DIXDC1: variants seen among roughly 807,000 people sequenced by gnomAD.
DIXDC1 encodes the protein dixin.
In DIXDC1, 64 loss-of-function variants were observed where a neutral mutation model predicts 103.1. The observed-to-expected ratio is 0.62, with a 90% confidence interval of 0.51 to 0.76. DIXDC1 has a LOEUF of 0.76. Among genes scored for constraint, DIXDC1 ranks in the 30% least tolerant of loss-of-function variants. The pLI is 0.00. For synonymous variants in DIXDC1, 266 were observed against 298.5 expected (o/e 0.89, Z 1.12); for missense variants, 759 against 834.2 (o/e 0.91, Z 1.11).
intron 1 of DIXDC1, among the ~76,000 whole-genome samples, chr11:111,943,232 C>G (rs1294401899): frequency 6.6e-6 from 1 of 152,050 alleles, no homozygotes. Context: ...CACCTCGCAC[C>G]TCTTGGGCTC....
intron 1 of DIXDC1, among the ~76,000 whole-genome samples, chr11:111,929,192 A>G (rs1965935701): frequency 2.6e-5 from 4 of 152,208 alleles, no homozygotes; most frequent in Non-Finnish European, 2.9e-5. Context: ...AACAAAAAAA[A>G]GAATTACACA....
intron 1 of DIXDC1, among the ~76,000 whole-genome samples, chr11:111,951,869 CT>C (rs35155467): frequency 9.1e-5 from 13 of 143,296 alleles, no homozygotes; most frequent in African/African-American, 7.8e-5. Flanking sequence ...TCCATTAAAA[CT>C]TTTTTTTTTT....
chr11:111,964,630 C>A lies in DIXDC1; in HGVS notation c.142C>A (p.Gln48Lys). The change falls in exon 2 of 20, where the codon CAA becomes AAA. Residue 48 changes from glutamine to lysine, a missense_variant. Gln to Lys is a moderately conservative substitution (Grantham distance 53). This residue lies in a region of DIXDC1 where 97 missense variants were observed against 85.4 expected (regional missense o/e 1.14). Transcript: ENST00000440460. ...PAVKPVQDLR[Q>K]DLRDGVILAY... ...AGTGAAGCCTGTGCAGGACCTGCGACAAGATCTCCGGGATGGGGTGATCCT... is the reference window on the plus strand; with the variant it reads ...AGTGAAGCCTGTGCAGGACCTGCGAAAAGATCTCCGGGATGGGGTGATCCT... 6.2e-7 allele frequency: 1 copy of A among 1,612,384 alleles called. No individual in the cohort carries two copies. Among genetic ancestry groups the A allele is most frequent in the Non-Finnish European group, 8.5e-7 (1 of 1,179,376 alleles).
chr11:112,002,488 A>G (rs1183242148), intron 17 of DIXDC1, among the ~76,000 whole-genome samples: 1 of 152,216 alleles, frequency 6.6e-6, no homozygotes, highest in Non-Finnish European at 1.5e-5. Flanking sequence ...TGTTTATTGC[A>G]GTACTATTTC....
chr11:111,950,436 ATATTTTTTTTTT>A (rs1966760273), intron 1 of DIXDC1, among the ~76,000 whole-genome samples: 2 of 20,886 alleles, frequency 9.6e-5, no homozygotes, highest in African/African-American at 5.6e-4. Context: ...ATATATATAT[ATATTTTTTTTTT>A]TTTTTTTTTT....
At chr11:111,981,351 C>G (rs190805787) in intron 6 of DIXDC1, among the ~76,000 whole-genome samples, 6 of 152,278 alleles carry the variant, frequency 3.9e-5, no homozygotes, top group African/African-American at 1.2e-4. Context: ...CTCAGTTGCT[C>G]TTTATTTTTT....
Position 111,985,215 on chromosome 11 carries a change from C to A in DIXDC1, c.919-17C>A. ...TGAAGGAGAGTTAAGTTTCTTTCTGCCTTTGTGGTTATTCAGGCCTTACTG... is the reference window on the plus strand; with the variant it reads ...TGAAGGAGAGTTAAGTTTCTTTCTGACTTTGTGGTTATTCAGGCCTTACTG... On this transcript the variant is annotated splice_polypyrimidine_tract_variant and intron_variant, in intron 7 of 19. Transcript: ENST00000440460. The A allele has an allele frequency of 6.2e-7, 1 of 1,604,132 alleles. No individual in the cohort carries two copies. Among genetic ancestry groups the A allele is most frequent in the Non-Finnish European group, 8.5e-7 (1 of 1,172,056 alleles).
intron 1 of DIXDC1, among the ~76,000 whole-genome samples, chr11:111,952,819 CAAAA>C (rs1293702864): frequency 1.8e-5 from 2 of 110,614 alleles, no homozygotes; most frequent in Non-Finnish European, 3.8e-5. Context: ...GACTTTGTCT[CAAAA>C]AAAAAAAAAA....
At chr11:111,944,895 A>C (rs1338811028) in intron 1 of DIXDC1, among the ~76,000 whole-genome samples, 2 of 152,234 alleles carry the variant, frequency 1.3e-5, no homozygotes, top group Non-Finnish European at 2.9e-5. Context: ...TAGCTTCCTT[A>C]GAACAAATTA....
At chr11:111,931,572 G>A (rs1168589617) in intron 2 of DIXDC1, among the ~76,000 whole-genome samples, 2 of 152,142 alleles carry the variant, frequency 1.3e-5, no homozygotes, top group Admixed American at 6.5e-5. Context: ...GAACCCGGGA[G>A]GCAGAGGTTG....
intron 1 of DIXDC1, among the ~76,000 whole-genome samples, chr11:111,952,196 A>G (rs782628565): frequency 1.3e-5 from 2 of 152,280 alleles, no homozygotes; most frequent in African/African-American, 2.4e-5. Context: ...AGTCTCGGGT[A>G]TGTCTTTATC....
At chr11:111,987,638 G>A (rs1555174024) in intron 9 of DIXDC1, among the ~76,000 whole-genome samples, 2 of 149,878 alleles carry the variant, frequency 1.3e-5, no homozygotes, top group African/African-American at 4.9e-5. Context: ...ATGTATGTTT[G>A]CACTCATACT....
At chr11:111,937,140 G>T (rs1386623561), upstream of DIXDC1, 2 of 749,908 alleles carry the variant, frequency 2.7e-6, no homozygotes, top group Admixed American at 6.3e-5. Context: ...GCGGGGGGGG[G>T]GTGTGCGCGT....
At chr11:111,954,400 A>C (rs1966870300) in intron 1 of DIXDC1, among the ~76,000 whole-genome samples, 1 of 152,226 alleles carries the variant, frequency 6.6e-6, no homozygotes, top group Non-Finnish European at 1.5e-5. Flanking sequence ...CTGTAAATAC[A>C]GATGAAGCTT....
intron 3 of DIXDC1, among the ~76,000 whole-genome samples, chr11:111,968,849 A>G (rs1243232038): frequency 6.6e-6 from 1 of 152,034 alleles, no homozygotes; most frequent in Non-Finnish European, 1.5e-5. Context: ...ATCTTGGTTC[A>G]CTGCAACCTT....
intron 14 of DIXDC1, among the ~76,000 whole-genome samples, chr11:111,994,586 T>TTATGTATGTA (rs1352325057): frequency 6.6e-6 from 1 of 151,182 alleles, no homozygotes; most frequent in Admixed American, 6.6e-5. Context: ...TATGTGTATA[T>TTATGTATGTA]TATGTATGTA....
intron 19 of DIXDC1, 129 bp downstream of exon 19, chr11:112,018,014 C>T (rs1861649881): frequency 6.3e-6 from 4 of 632,478 alleles, no homozygotes; most frequent in Non-Finnish European, 1.1e-5. Flanking sequence ...GCCAGAGCCT[C>T]AGACCATGGT....
chr11:112,008,859 G>A (rs1861321508), intron 17 of DIXDC1, among the ~76,000 whole-genome samples: 1 of 152,190 alleles, frequency 6.6e-6, no homozygotes, highest in African/African-American at 2.4e-5. Flanking sequence ...AAGCAGGAAA[G>A]ATCTAAAATC....
In DIXDC1 at chr11:112,016,701, C is replaced by T. The variant is rs1861600756; in HGVS notation, c.1767C>T (p.His589=). 3.1e-6 allele frequency: 5 copies of T among 1,601,718 alleles called. No individual in the cohort carries two copies. In the South Asian group the frequency reaches 3.4e-5, roughly 11 times the overall value. Residue 589 remains histidine (H), a synonymous_variant, in exon 18 of 20, where the codon CAC becomes CAT. Coordinates refer to ENST00000440460, the MANE Select transcript of DIXDC1 (RefSeq NM_001037954.4). ...TCTTTCTGATTGTAGAGTTGCCTCA[C>T]TCACAGAGCTCTCCAACTGTCAGCA... ...ESWPPNSKLP[H]SQSSPTVSST...
Sources: gnomAD v4.1 joint callset for allele counts (sites outside exome capture counted in the v4.1 genomes callset) on GRCh38, gnomAD v4.1.1 for gene constraint, gnomAD v4.1.1 regional missense constraint, MANE v1.5 for transcripts, NCBI Gene and HGNC (gene_info 2026-07-23, HGNC 2026-07-21) for gene names.